The following SOCS6 variants were observed in gnomAD, a reference collection of about 807,000 sequenced individuals.
SOCS6 encodes the protein STAT induced STAT inhibitor-4.
In SOCS6, 5 loss-of-function variants were observed where a neutral mutation model predicts 27.7. The ratio of observed to expected loss-of-function variants is 0.18; its 90% CI spans 0.09 to 0.38. The LOEUF (loss-of-function observed/expected upper bound fraction) is 0.38, where lower values mean the gene tolerates loss of function less well. SOCS6 is among the 10% of genes least tolerant of loss of function. The probability of loss-of-function intolerance (pLI) is 1.00; values close to 1 mark genes in which losing one functional copy is unlikely to be tolerated. For synonymous variants in SOCS6, 271 were observed against 260.0 expected (o/e 1.04, Z -0.41); for missense variants, 595 against 688.1 (o/e 0.86, Z 1.51).
At chr18:70,313,756 G>A (rs2062399811) in intron 1 of SOCS6, among the ~76,000 whole-genome samples, 1 of 152,168 alleles carries the variant, frequency 6.6e-6, no homozygotes. Flanking sequence ...GTTGCAGCAT[G>A]TTTTAATATG....
chr18:70,313,429 TTTATG>T (rs1397249945), intron 1 of SOCS6, among the ~76,000 whole-genome samples: 1 of 152,268 alleles, frequency 6.6e-6, no homozygotes, highest in East Asian at 1.9e-4. Context: ...GATTCAAGGT[TTTATG>T]TTATGTATTA....
Position 70,325,947 on chromosome 18 carries a change from A to G in SOCS6, c.1279A>G (p.Lys427Glu), listed in dbSNP as rs779856916. ...LLSLSFRSHG[K>E]TLHTRIEHSN... ...AAGCTTGAGCTTTCGCTCCCATGGTAAAACACTTCACACTAGAATTGAGCA... is the reference window on the plus strand; with the variant it reads ...AAGCTTGAGCTTTCGCTCCCATGGTGAAACACTTCACACTAGAATTGAGCA... The change falls in exon 2 of 2, where the codon AAA becomes GAA. Residue 427 changes from lysine to glutamate, a missense_variant. Physicochemically the swap from Lys to Glu is moderately conservative, Grantham distance 56. Coordinates refer to ENST00000397942, the MANE Select transcript of SOCS6 (RefSeq NM_004232.4). The surrounding 1 kb of genome is among the most constrained non-coding windows in gnomAD (Gnocchi z 6.3). 6.2e-7 allele frequency: 1 copy of G among 1,614,266 alleles called. No individual in the cohort carries two copies. The highest frequency in any genetic ancestry group is 2.2e-5 in the East Asian group (1 of 44,882).
chr18:70,299,375 C>A (rs1360316357), intron 1 of SOCS6, among the ~76,000 whole-genome samples: 1 of 152,184 alleles, frequency 6.6e-6, no homozygotes, highest in East Asian at 1.9e-4. Flanking sequence ...AACTCAGCAA[C>A]AGCCCAGTAG....
At chr18:70,308,068 C>T (rs2062376469) in intron 1 of SOCS6, among the ~76,000 whole-genome samples, 1 of 152,090 alleles carries the variant, frequency 6.6e-6, no homozygotes, top group Admixed American at 6.5e-5. Flanking sequence ...ATTTTTTAGT[C>T]TTTGGCCCAT....
Position 70,328,439 on chromosome 18 carries a change from G to T in SOCS6, c.*2163G>T. 1 of 166,194 alleles carries T rather than the reference G, an allele frequency of 6.0e-6. No homozygotes were observed. 10.3% of individuals were successfully genotyped at this position (166,194 alleles called of 1,614,324 possible). A position where few individuals can be genotyped will look rare whatever the true frequency, so the allele number is the denominator to read the frequency against. On this transcript the variant is annotated 3_prime_UTR_variant, in exon 2 of 2. Coordinates refer to ENST00000397942, the MANE Select transcript of SOCS6 (RefSeq NM_004232.4). ...TATGTGGACATAACCTATTCCCTTC[G>T]TTTTCTCATCATGCCATGTGTTTAA...
At chr18:70,293,837 A>G (rs2062311245) in intron 1 of SOCS6, among the ~76,000 whole-genome samples, 1 of 152,174 alleles carries the variant, frequency 6.6e-6, no homozygotes, top group Non-Finnish European at 1.5e-5. Context: ...TCGCGCCTGT[A>G]ATCCCACCAC....
intron 1 of SOCS6, among the ~76,000 whole-genome samples, chr18:70,292,404 G>A (rs1295433692): frequency 6.6e-5 from 10 of 152,178 alleles, no homozygotes; most frequent in African/African-American, 2.4e-4. Flanking sequence ...GCAGTGGCAC[G>A]GTTAGGACTC....
In SOCS6 at chr18:70,327,087, AATT is replaced by A. The variant is rs1164118768; in HGVS notation, c.*819_*821del. Reference sequence around the variant, plus strand: ...ATAACATGAAAACCTATGGAACTAGAATTATTATTAAAGAAATATTAGATGATC... The same window carrying A: ...ATAACATGAAAACCTATGGAACTAGAATTATTAAAGAAATATTAGATGATC... On this transcript the variant is annotated 3_prime_UTR_variant, in exon 2 of 2. Coordinates refer to ENST00000397942, the MANE Select transcript of SOCS6 (RefSeq NM_004232.4). 1 of 166,834 alleles carries A rather than the reference AATT, an allele frequency of 6.0e-6. No homozygotes were observed. Among genetic ancestry groups the A allele is most frequent in the African/African-American group, 2.4e-5 (1 of 41,460 alleles). The allele number at this position is 166,834 out of a possible 1,614,324, so 10.3% of individuals were successfully genotyped here.
At chr18:70,289,758 G>A (rs2062290390) in intron 1 of SOCS6, among the ~76,000 whole-genome samples, 1 of 152,072 alleles carries the variant, frequency 6.6e-6, no homozygotes, top group East Asian at 1.9e-4. Context: ...GCCGCCGGCC[G>A]GCTGCGCACT....
rs775606961 is a variant in SOCS6 at position 70,325,474 on chromosome 18, T to C, written c.806T>C (p.Val269Ala). The change falls in exon 2 of 2, where the codon GTA becomes GCA. Residue 269 changes from valine to alanine, a missense_variant. Coordinates refer to ENST00000397942, the MANE Select transcript of SOCS6 (RefSeq NM_004232.4). This position sits in a 1 kb window ranked among gnomAD's most constrained non-coding sequence, Gnocchi z 6.3. ...GCTTTCCCCGAGGATGAGAGTCAGG[T>C]AGACCAGGACCTAGTTGTCGCCCCA... ...GRAFPEDESQ[V>A]DQDLVVAPEI... 3 of 1,614,146 alleles carry C rather than the reference T, an allele frequency of 1.9e-6. No individual in the cohort carries two copies. The highest frequency in any genetic ancestry group is 1.1e-5 in the South Asian group (1 of 91,066).
chr18:70,317,757 G>A (rs2062419117), intron 1 of SOCS6, among the ~76,000 whole-genome samples: 1 of 151,884 alleles, frequency 6.6e-6, no homozygotes, highest in Non-Finnish European at 1.5e-5. Flanking sequence ...AGTTCTTTAC[G>A]GAATTTCCAG....
chr18:70,293,569 C>T lies in SOCS6; in HGVS notation c.-127+4479C>T, dbSNP rs551254224. Among the ~76,000 whole-genome samples the T allele has an allele frequency of 3.9e-5, 6 of 152,244 alleles. No individual in the cohort carries two copies. The East Asian group carries it at 1.2e-3, about 29-fold the overall frequency. ...GAAATCTCCTGGTATCCTCAGTTTT[C>T]TGGTGTAGAATTAAGCCAGAAGGAA... On this transcript the variant is annotated intron_variant, in intron 1 of 1. Transcript: ENST00000397942.
intron 1 of SOCS6, among the ~76,000 whole-genome samples, chr18:70,301,100 A>G (rs1035485996): frequency 1.3e-5 from 2 of 152,236 alleles, no homozygotes; most frequent in African/African-American, 4.8e-5. Context: ...CACAAGCTCA[A>G]AGGCAGGCTC....
chr18:70,301,941 A>G (rs896168007), intron 1 of SOCS6, among the ~76,000 whole-genome samples: 1 of 152,182 alleles, frequency 6.6e-6, no homozygotes, highest in Non-Finnish European at 1.5e-5. Flanking sequence ...GATGATTGGT[A>G]GAGAAGGCTT....
Position 70,326,373 on chromosome 18 carries a change from A to G in SOCS6, c.*97A>G, listed in dbSNP as rs1463612456. On this transcript the variant is annotated 3_prime_UTR_variant, in exon 2 of 2. Transcript: ENST00000397942. ...ATTGCCATCAAAATCTTTTGCTGCCATAACTATTTCAGTTTTATGTGTAAA... is the reference window on the plus strand; with the variant it reads ...ATTGCCATCAAAATCTTTTGCTGCCGTAACTATTTCAGTTTTATGTGTAAA... 7.4e-6 allele frequency: 8 copies of G among 1,076,178 alleles called. No individual in the cohort carries two copies. In the East Asian group the frequency reaches 9.8e-5, roughly 13 times the overall value. The allele number at this position is 1,076,178 out of a possible 1,614,324, so 66.7% of individuals were successfully genotyped here.
intron 1 of SOCS6, among the ~76,000 whole-genome samples, chr18:70,295,829 C>T (rs2062320368): frequency 6.6e-6 from 1 of 152,200 alleles, no homozygotes; most frequent in Admixed American, 6.5e-5. Context: ...TGCCCAGAGT[C>T]ACACACCACA....
In SOCS6 at chr18:70,326,976, C is replaced by T. The variant is rs574814991; in HGVS notation, c.*700C>T. 2.4e-5 allele frequency: 4 copies of T among 166,484 alleles called. No homozygotes were observed. In the South Asian group the frequency reaches 8.3e-4, roughly 35 times the overall value. The allele number at this position is 166,484 out of a possible 1,614,324, so 10.3% of individuals were successfully genotyped here. A position where few individuals can be genotyped will look rare whatever the true frequency, so the allele number is the denominator to read the frequency against. ...TAGTTTGTCTATTTTAATAAATGGC[C>T]TTACATTAAAAAATTGTAAAGAAAT... On this transcript the variant is annotated 3_prime_UTR_variant, in exon 2 of 2. Coordinates refer to ENST00000397942, the MANE Select transcript of SOCS6 (RefSeq NM_004232.4).
intron 1 of SOCS6, among the ~76,000 whole-genome samples, chr18:70,303,486 T>G (rs2062356913): frequency 1.3e-5 from 2 of 152,232 alleles, no homozygotes; most frequent in African/African-American, 4.8e-5. Context: ...GCCAAATTAA[T>G]TTTTATGGCT....
chr18:70,293,215 T>C (rs573871466), intron 1 of SOCS6, among the ~76,000 whole-genome samples: 4 of 152,206 alleles, frequency 2.6e-5, no homozygotes, highest in Non-Finnish European at 5.9e-5. Context: ...AGAGATGTGC[T>C]GTGTACATGT....
Sources: gnomAD v4.1 joint callset for allele counts (sites outside exome capture counted in the v4.1 genomes callset) on GRCh38, gnomAD v4.1.1 for gene constraint, Gnocchi (gnomAD v3.1) non-coding constraint, MANE v1.5 for transcripts, NCBI Gene and HGNC (gene_info 2026-07-23, HGNC 2026-07-21) for gene names.